Variants in ZDHHC6 observed in about 807,000 individuals in gnomAD.
ZDHHC6 encodes the protein zDHHC palmitoyltransferase 6.
In ZDHHC6, 32 loss-of-function variants were observed where a neutral mutation model predicts 57.8. The ratio of observed to expected loss-of-function variants is 0.55; its 90% CI spans 0.42 to 0.74. ZDHHC6 has a LOEUF of 0.74. ZDHHC6 is among the 30% of genes least tolerant of loss of function. ZDHHC6 has a pLI of 0.00. For missense variants in ZDHHC6, 433 were observed against 500.7 expected (o/e 0.86, Z 1.29); for synonymous variants, 128 against 158.0 (o/e 0.81, Z 1.42).
chr10:112,432,639 C>T (rs973844568), intron 8 of ZDHHC6, 118 bp from the exon 9 acceptor site: 3 of 1,299,144 alleles, frequency 2.3e-6, no homozygotes, highest in African/African-American at 1.5e-5. Flanking sequence ...CTTCTAGTTC[C>T]CCTTCTAGGG....
chr10:112,425,110 T>C (rs1844617211), exon 12 of ZDHHC6: 1 of 342,050 alleles, frequency 2.9e-6, no homozygotes, highest in Non-Finnish European at 5.2e-6. Flanking sequence ...AGACTTTCTC[T>C]AAGGCTGCGC....
chr10:112,437,173 G>A (rs1428960342), intron 6 of ZDHHC6, among the ~76,000 whole-genome samples: 1 of 151,892 alleles, frequency 6.6e-6, no homozygotes, highest in Non-Finnish European at 1.5e-5. Flanking sequence ...CTACCACTGT[G>A]AGCCTGACAG....
Position 112,433,245 on chromosome 10 carries a change from T to C in ZDHHC6, c.940A>G (p.Arg314Gly). The change falls in exon 8 of 11, where the codon AGA (arginine) becomes GGA (glycine). Residue 314 changes from arginine to glycine, a missense_variant. Physicochemically the swap from Arg to Gly is moderately radical, Grantham distance 125 (BLOSUM62 -2). Transcript: ENST00000369405. The stretch of plus-strand genomic sequence containing the variant: ...ACTGCAAAAGAAGTACTTACACTTC[T>C]GACTCTCTTATCTGCTTTTTGTTTC... ...QLKQKADKRVRSVRYKVIEDY... is the reference protein window; with the variant it reads ...QLKQKADKRVGSVRYKVIEDY... 1 of 1,591,532 alleles carries C rather than the reference T, an allele frequency of 6.3e-7. No individual in the cohort carries two copies. Among genetic ancestry groups the C allele is most frequent in the Non-Finnish European group, 8.5e-7 (1 of 1,171,634 alleles).
rs1589714720 is a variant in ZDHHC6, at chr10:112,430,754, A to C, written c.*50T>G. On this transcript the variant is annotated 3_prime_UTR_variant, in exon 11 of 11. Coordinates refer to ENST00000369405, the MANE Select transcript of ZDHHC6 (RefSeq NM_022494.3). ...GCATAATTCTTTAGTAATATGTACA[A>C]TTTTCAAGTAATTAAGCAGACTTAA... is the stretch of plus-strand genomic sequence containing the variant. 11 of 1,530,710 alleles carry C rather than the reference A, an allele frequency of 7.2e-6. No individual in the cohort carries two copies. The highest frequency in any genetic ancestry group is 2.7e-5 in the African/African-American group (2 of 72,910). The allele number at this position is 1,530,710 out of a possible 1,614,324, so 94.8% of individuals were successfully genotyped here. A position where few individuals can be genotyped will look rare whatever the true frequency, so the allele number is the denominator to read the frequency against.
rs1429025525 is a variant in ZDHHC6, at chr10:112,446,899, C to A, written c.-409G>T. 3.6e-5 allele frequency: 7 copies of A among 192,916 alleles called. No individual in the cohort carries two copies. The highest frequency in any genetic ancestry group is 2.2e-4 in the Admixed American group (4 of 17,952). The allele number at this position is 192,916 out of a possible 1,614,324, so 12.0% of individuals were successfully genotyped here. On this transcript the variant is annotated 5_prime_UTR_variant, in exon 1 of 11. Transcript: ENST00000369405. ...CAAGCCGAGCACCTCTCGGCCAGCGCCCTCGCCAGGACTCTCCCGCTCAGG... is the reference window on the plus strand; with the variant it reads ...CAAGCCGAGCACCTCTCGGCCAGCGACCTCGCCAGGACTCTCCCGCTCAGG...
At chr10:112,447,309 C>T (rs1846876299), upstream of ZDHHC6, 3 of 1,541,786 alleles carry the variant, frequency 1.9e-6, no homozygotes, top group South Asian at 2.3e-5. Context: ...CGGGGCCCCT[C>T]GCTGCCCCTC....
intron 7 of ZDHHC6, 61 bp downstream of exon 7, chr10:112,434,236 G>A (rs979073565): frequency 2.1e-6 from 3 of 1,445,382 alleles, no homozygotes; most frequent in South Asian, 1.5e-5. Flanking sequence ...TTGAGTTGAG[G>A]GGGAGTTAAG....
At chr10:112,429,206 A>G (rs919098587), downstream of ZDHHC6, among the ~76,000 whole-genome samples, 1 of 152,224 alleles carries the variant, frequency 6.6e-6, no homozygotes, top group African/African-American at 2.4e-5. Context: ...ATTAACTTTT[A>G]AAGTCTAGCT....
chr10:112,435,998 A>C (rs1011822225), intron 6 of ZDHHC6, among the ~76,000 whole-genome samples: 2 of 152,200 alleles, frequency 1.3e-5, no homozygotes. Flanking sequence ...CCTTGGGAGA[A>C]ACAATACCTT....
At chr10:112,446,591 G>A (rs1846768096) in intron 1 of ZDHHC6, 114 bp downstream of exon 1, 4 of 152,180 alleles carry the variant, frequency 2.6e-5, no homozygotes, top group Admixed American at 2.6e-4. Flanking sequence ...CCTCACCCAA[G>A]GAAGAAATAT....
At chr10:112,442,140 A>G in intron 4 of ZDHHC6, 52 bp downstream of exon 4, 1 of 1,516,008 alleles carries the variant, frequency 6.6e-7, no homozygotes, top group Non-Finnish European at 8.8e-7. Context: ...GATAACTACC[A>G]TTTAATCTTG....
intron 6 of ZDHHC6, among the ~76,000 whole-genome samples, chr10:112,438,019 C>A (rs1371091293): frequency 6.6e-6 from 1 of 152,198 alleles, no homozygotes; most frequent in African/African-American, 2.4e-5. Flanking sequence ...AAGCTCCTTT[C>A]CAAATGGGCT....
chr10:112,445,093 T>G, intron 2 of ZDHHC6, 77 bp downstream of exon 2: 1 of 1,491,524 alleles, frequency 6.7e-7, no homozygotes, highest in East Asian at 2.4e-5. Flanking sequence ...GTGTTTGGTA[T>G]TATTGGTTAG....
intron 6 of ZDHHC6, 63 bp downstream of exon 6, chr10:112,438,273 G>A (rs1845739614): frequency 9.0e-7 from 1 of 1,107,928 alleles, no homozygotes; most frequent in South Asian, 2.2e-5. Context: ...TAATATTCAG[G>A]ACTTTACCAG....
rs1193416718 is a variant in ZDHHC6 at position 112,442,163 on chromosome 10, T to G, written c.519+29A>C. ...CCATTTAATCTTGCATGGATGATTT[T>G]ATAACAAAACATTTTCATTTTCACT... is the stretch of plus-strand genomic sequence containing the variant. On this transcript the variant is annotated intron_variant, in intron 4 of 10. Coordinates refer to ENST00000369405, the MANE Select transcript of ZDHHC6 (RefSeq NM_022494.3). 3.8e-6 allele frequency: 6 copies of G among 1,580,292 alleles called. No individual in the cohort carries two copies. The East Asian group carries it at 1.1e-4, about 30-fold the overall frequency.
At chr10:112,436,764 C>T (rs1447628909) in intron 6 of ZDHHC6, among the ~76,000 whole-genome samples, 1 of 152,170 alleles carries the variant, frequency 6.6e-6, no homozygotes, top group Non-Finnish European at 1.5e-5. Flanking sequence ...TGAGCAATTC[C>T]ATGTAAGAAT....
At chr10:112,441,556 T>C (rs536260250) in intron 4 of ZDHHC6, among the ~76,000 whole-genome samples, 2 of 152,200 alleles carry the variant, frequency 1.3e-5, no homozygotes, top group South Asian at 2.1e-4. Flanking sequence ...TTTTCAGATT[T>C]TTCTGGGCTA....
At chr10:112,447,214 C>G (rs1426198947), upstream of ZDHHC6, 1 of 657,698 alleles carries the variant, frequency 1.5e-6, no homozygotes, top group Non-Finnish European at 2.5e-6. Context: ...GAGATTGCGA[C>G]GAACAACCAG....
intron 6 of ZDHHC6, among the ~76,000 whole-genome samples, chr10:112,436,253 T>C (rs193026047): frequency 9.2e-5 from 14 of 152,304 alleles, no homozygotes; most frequent in African/African-American, 3.4e-4. Context: ...GGCGGGTGGA[T>C]TACTTGAGGT....
Sources: allele counts gnomAD v4.1 joint callset (sites outside exome capture counted in the v4.1 genomes callset), GRCh38; gene constraint gnomAD v4.1.1; transcripts MANE v1.5; gene names NCBI Gene and HGNC (gene_info 2026-07-23, HGNC 2026-07-21).